Variants in AXIN1 observed in about 807,000 individuals in gnomAD.
The protein encoded by AXIN1 is axin 1.
Under a neutral mutation model 76.4 loss-of-function variants are expected in AXIN1, and 30 were observed. The observed-to-expected ratio is 0.39, with a 90% CI of 0.29 to 0.53. The LOEUF is 0.53. Ranked by LOEUF, AXIN1 falls within the 20% of genes least tolerant of loss-of-function variation. AXIN1 has a pLI of 0.66. For missense variants in AXIN1, 1,140 were observed against 1,198.8 expected, an observed-to-expected ratio of 0.95 and a Z score of 0.72; for synonymous variants, 545 against 501.4, an observed-to-expected ratio of 1.09 and a Z score of -1.16.
chr16:329,003 C>CGTTT (rs2053636615), intron 2 of AXIN1, among the ~76,000 whole-genome samples: 1 of 152,104 alleles, frequency 6.6e-6, no homozygotes, highest in Non-Finnish European at 1.5e-5. Context: ...GGGCTGGGCA[C>CGTTT]GGTAGCTCAC....
intron 4 of AXIN1, among the ~76,000 whole-genome samples, chr16:305,894 G>A (rs1387414397): frequency 6.6e-6 from 1 of 152,078 alleles, no homozygotes; most frequent in Non-Finnish European, 1.5e-5. Flanking sequence ...TGTCCAGGCT[G>A]GCCTCAAACT....
intron 2 of AXIN1, among the ~76,000 whole-genome samples, chr16:322,891 C>T (rs138352496): frequency 1.9e-4 from 29 of 152,374 alleles, no homozygotes; most frequent in African/African-American, 6.5e-4. Context: ...TGGCCTGCAG[C>T]TGCGTCCCAG....
chr16:305,857 T>C (rs1214739940), intron 4 of AXIN1, among the ~76,000 whole-genome samples: 2 of 152,136 alleles, frequency 1.3e-5, no homozygotes, highest in African/African-American at 4.8e-5. Context: ...CTATAGCTTT[T>C]TTTAAAAATA....
chr16:347,309 C>T (rs1711938831), intron 1 of AXIN1, among the ~76,000 whole-genome samples: 1 of 152,192 alleles, frequency 6.6e-6, no homozygotes, highest in Non-Finnish European at 1.5e-5. Context: ...TTTACAACTA[C>T]AGGAATGCCT....
chr16:304,560 A>C (rs2052966773), intron 4 of AXIN1, 119 bp from the exon 5 acceptor site: 2 of 1,460,152 alleles, frequency 1.4e-6, no homozygotes, highest in East Asian at 2.5e-5. Context: ...TTTGAGACAA[A>C]CTCTTGCTCT....
At chr16:308,211 A>G (rs1235392671) in intron 4 of AXIN1, among the ~76,000 whole-genome samples, 1 of 152,098 alleles carries the variant, frequency 6.6e-6, no homozygotes, top group Non-Finnish European at 1.5e-5. Context: ...CCAGGACCTG[A>G]GGGCTCTGTG....
At chr16:312,230 C>T (rs1357819138) in intron 3 of AXIN1, among the ~76,000 whole-genome samples, 2 of 152,198 alleles carry the variant, frequency 1.3e-5, no homozygotes, top group Non-Finnish European at 2.9e-5. Context: ...AGCACAAAAG[C>T]TGAGGGCAGC....
At chr16:336,127 C>T (rs1382897787) in intron 2 of AXIN1, among the ~76,000 whole-genome samples, 4 of 152,066 alleles carry the variant, frequency 2.6e-5, no homozygotes, top group African/African-American at 7.2e-5. Context: ...CCCAGCTACT[C>T]GGGAGGCCGA....
At chr16:335,083 A>G (rs1399655294) in intron 2 of AXIN1, among the ~76,000 whole-genome samples, 7 of 152,222 alleles carry the variant, frequency 4.6e-5, no homozygotes, top group African/African-American at 1.4e-4. Context: ...AAGTGGACAC[A>G]TAACAAAGCC....
rs930737235 is a variant in AXIN1, at chr16:288,296, G to A, written c.2463-48C>T. 2.5e-6 allele frequency: 4 copies of A among 1,612,374 alleles called. No individual in the cohort carries two copies. In the African/African-American group the frequency reaches 4.0e-5, roughly 16 times the overall value. ...GCAGTGAGCAGGCAGCACCGCAGAT[G>A]GGAAGGAGGCCTGTGGCAGGGGACG... On this transcript the variant is annotated intron_variant, in intron 10 of 10. Transcript: ENST00000262320.
At chr16:324,232 C>G (rs1393567771) in intron 2 of AXIN1, among the ~76,000 whole-genome samples, 1 of 152,238 alleles carries the variant, frequency 6.6e-6, no homozygotes, top group Admixed American at 6.5e-5. Context: ...CGGGTCGGCA[C>G]TGGGCACGAG....
chr16:292,978 C>G lies in AXIN1; in HGVS notation c.2186+510G>C, dbSNP rs7197421. On this transcript the variant is annotated intron_variant, in intron 8 of 10. Transcript: ENST00000262320. ...CATCCAGGATGACAAGAGGACACAG[C>G]GAGGAGGGCTGTGGGCTGGACGTCC... 1.6e-4 allele frequency: 26 copies of G among 163,748 alleles called. 1 individual carries two copies. The highest frequency in any genetic ancestry group is 9.6e-4 in the Admixed American group (17 of 17,662). The allele number at this position is 163,748 out of a possible 1,614,324, so 10.1% of individuals were successfully genotyped here. A position where few individuals can be genotyped will look rare whatever the true frequency, so the allele number is the denominator to read the frequency against.
chr16:304,497 T>C, intron 4 of AXIN1, 56 bp from the exon 5 acceptor site: 1 of 1,610,272 alleles, frequency 6.2e-7, no homozygotes, highest in East Asian at 2.2e-5. Context: ...GCTAAACATT[T>C]CTTTGTGAAG....
chr16:299,884 C>T (rs200305265), intron 5 of AXIN1, among the ~76,000 whole-genome samples: 27 of 146,812 alleles, frequency 1.8e-4, no homozygotes, highest in Non-Finnish European at 2.8e-4. Context: ...CTCGATCTCC[C>T]GACCTCGTGA....
At chr16:348,988 C>T (rs2054088343) in intron 1 of AXIN1, among the ~76,000 whole-genome samples, 1 of 151,920 alleles carries the variant, frequency 6.6e-6, no homozygotes, top group Non-Finnish European at 1.5e-5. Context: ...GTCCCAGCTA[C>T]TCGGGAGACT....
In AXIN1 at chr16:346,354, C is replaced by G. The variant is rs775362453; in HGVS notation, c.672G>C (p.Gln224His). The change falls in exon 2 of 11, where the codon CAG becomes CAC. Residue 224 changes from glutamine (Q) to histidine (H), a missense_variant. Physicochemically the swap from Gln to His is conservative, Grantham distance 24. Coordinates refer to ENST00000262320, the MANE Select transcript of AXIN1 (RefSeq NM_003502.4). Reference protein sequence around the residue: ...GSESPKVCSDQSSGSGTGKGI... With the variant: ...GSESPKVCSDHSSGSGTGKGI... ...CCTTCCCTGTCCCTGACCCAGAGCT[C>G]TGGTCACTACAGACTTTGGGGCTCT... is the stretch of plus-strand genomic sequence containing the variant. 1 of 1,614,220 alleles carries G rather than the reference C, an allele frequency of 6.2e-7. No homozygotes were observed. The highest frequency in any genetic ancestry group is 1.1e-5 in the South Asian group (1 of 91,084).
chr16:336,547 C>A lies in AXIN1; in HGVS notation c.878+9601G>T, dbSNP rs186623183. Among the ~76,000 whole-genome samples the A allele has an allele frequency of 6.6e-5, 10 of 152,236 alleles. No individual in the cohort carries two copies. In the East Asian group the frequency reaches 1.9e-3, roughly 29 times the overall value. On this transcript the variant is annotated intron_variant, in intron 2 of 10. Transcript: ENST00000262320. Reference sequence around the variant, plus strand: ...CCTAAAAGAACAGACACCAGCTGGGCGCGGTGCCTCACACCTGTAATCCCA... The same window carrying A: ...CCTAAAAGAACAGACACCAGCTGGGAGCGGTGCCTCACACCTGTAATCCCA...
intron 2 of AXIN1, among the ~76,000 whole-genome samples, chr16:336,832 AAAC>A (rs1032568349): frequency 6.6e-6 from 1 of 150,480 alleles, no homozygotes; most frequent in Non-Finnish European, 1.5e-5. Context: ...AAAAAAAAAA[AAAC>A]AAAACATAAA....
At chr16:338,296 G>A (rs1020534141) in intron 2 of AXIN1, among the ~76,000 whole-genome samples, 1 of 152,254 alleles carries the variant, frequency 6.6e-6, no homozygotes, top group African/African-American at 2.4e-5. Context: ...GTTCCAAGAA[G>A]GGCCACAGGG....
Sources: allele counts gnomAD v4.1 joint callset (sites outside exome capture counted in the v4.1 genomes callset), GRCh38; gene constraint gnomAD v4.1.1; transcripts MANE v1.5; gene names NCBI Gene and HGNC (gene_info 2026-07-23, HGNC 2026-07-21).